The following FRMD5 variants were observed in gnomAD, a reference collection of about 807,000 sequenced individuals.
FRMD5 encodes FERM domain-containing protein 5.
Under a neutral mutation model 69.0 loss-of-function variants are expected in FRMD5, and 20 were observed. The ratio of observed to expected loss-of-function variants is 0.29; its 90% CI spans 0.20 to 0.42. The LOEUF is 0.42. Among genes scored for constraint, FRMD5 ranks in the 10% least tolerant of loss-of-function variants. FRMD5 has a pLI of 1.00. For missense variants in FRMD5, 595 were observed against 708.6 expected, an observed-to-expected ratio of 0.84 and a Z score of 1.82; for synonymous variants, 271 against 260.1, an observed-to-expected ratio of 1.04 and a Z score of -0.40.
intron 1 of FRMD5, among the ~76,000 whole-genome samples, chr15:44,134,311 G>A (rs2077150326): frequency 1.3e-5 from 2 of 152,086 alleles, no homozygotes; most frequent in Non-Finnish European, 2.9e-5. Context: ...GGAAGGTGAA[G>A]GCCCAAAATG....
rs543006063 is a variant in FRMD5 at position 43,910,255 on chromosome 15, C to G, written c.330-276G>C. ...CTGTTTCCTGGTAAAAGCATCACCC[C>G]ACAGTGCTGAGCTTTGGAAGGAGCC... On this transcript the variant is annotated intron_variant, in intron 4 of 13. Coordinates refer to ENST00000417257, the MANE Select transcript of FRMD5 (RefSeq NM_032892.5). Among the ~76,000 whole-genome samples, 3 of 152,228 alleles carry G rather than the reference C, an allele frequency of 2.0e-5. No individual in the cohort carries two copies. In the East Asian group the frequency reaches 5.8e-4, roughly 29 times the overall value.
intron 1 of FRMD5, among the ~76,000 whole-genome samples, chr15:44,028,711 G>C (rs1294713232): frequency 2.0e-5 from 3 of 152,168 alleles, no homozygotes; most frequent in African/African-American, 7.2e-5. Flanking sequence ...ACTGGGTTCT[G>C]AGCAAGCAGC....
At chr15:44,145,443 G>A (rs1028742091) in intron 1 of FRMD5, among the ~76,000 whole-genome samples, 1 of 152,168 alleles carries the variant, frequency 6.6e-6, no homozygotes, top group African/African-American at 2.4e-5. Context: ...CAGTGAAACT[G>A]ACAGGGATTA....
chr15:44,194,285 A>T (rs2140626997), intron 1 of FRMD5: 1 of 152,384 alleles, frequency 6.6e-6, no homozygotes, highest in Non-Finnish European at 1.5e-5. Context: ...CAAGCCCCAA[A>T]TCGCTGGGAC....
chr15:43,997,959 A>G (rs907166409), intron 1 of FRMD5, among the ~76,000 whole-genome samples: 3 of 152,270 alleles, frequency 2.0e-5, no homozygotes, highest in South Asian at 4.2e-4. Flanking sequence ...AAAAAAAGTT[A>G]TTATATATAT....
intron 1 of FRMD5, among the ~76,000 whole-genome samples, chr15:44,033,716 T>G (rs866080205): frequency 6.6e-6 from 1 of 152,188 alleles, no homozygotes; most frequent in East Asian, 1.9e-4. Context: ...ATTAAAATCA[T>G]GGGCATAAAC....
chr15:44,015,138 C>CTT (rs768779001), intron 1 of FRMD5, among the ~76,000 whole-genome samples: 1 of 144,082 alleles, frequency 6.9e-6, no homozygotes, highest in African/African-American at 2.5e-5. Flanking sequence ...CTTACTGAAA[C>CTT]TTTTTTTTTT....
At chr15:44,057,538 G>C (rs907904571) in intron 1 of FRMD5, among the ~76,000 whole-genome samples, 4 of 152,086 alleles carry the variant, frequency 2.6e-5, no homozygotes, top group African/African-American at 9.7e-5. Context: ...GCCTTGCTTT[G>C]CTTCTCAAAG....
intron 1 of FRMD5, among the ~76,000 whole-genome samples, chr15:43,979,404 C>G (rs539022436): frequency 6.6e-6 from 1 of 152,096 alleles, no homozygotes; most frequent in East Asian, 1.9e-4. Flanking sequence ...CCTCCACACT[C>G]TTATAGGCAG....
chr15:44,067,288 G>T (rs1404280220), intron 1 of FRMD5, among the ~76,000 whole-genome samples: 1 of 152,032 alleles, frequency 6.6e-6, no homozygotes, highest in Non-Finnish European at 1.5e-5. Flanking sequence ...CATTGAGAGG[G>T]ATATAATCAT....
intron 1 of FRMD5, among the ~76,000 whole-genome samples, chr15:43,940,768 T>G (rs1294732042): frequency 6.6e-6 from 1 of 152,114 alleles, no homozygotes; most frequent in Non-Finnish European, 1.5e-5. Context: ...AGTGACCAAT[T>G]TGAAGAGGGG....
At chr15:44,194,705 G>C (rs944706066) in intron 1 of FRMD5, 1 of 587,324 alleles carries the variant, frequency 1.7e-6, no homozygotes, top group African/African-American at 2.0e-5. Flanking sequence ...AGGGAGAGCA[G>C]GGTAGGACTT....
At chr15:43,905,268 T>G (rs953970848) in intron 6 of FRMD5, among the ~76,000 whole-genome samples, 4 of 151,538 alleles carry the variant, frequency 2.6e-5, no homozygotes, top group Admixed American at 2.6e-4. Flanking sequence ...TCCGGAGTAG[T>G]TGGGATTACA....
chr15:44,198,873 T>C (rs554869325), upstream of FRMD5, among the ~76,000 whole-genome samples: 2 of 152,176 alleles, frequency 1.3e-5, no homozygotes, highest in Admixed American at 6.6e-5. Flanking sequence ...GGAGGCCACA[T>C]TTAAAAATAA....
intron 1 of FRMD5, among the ~76,000 whole-genome samples, chr15:44,065,262 A>G (rs1893260928): frequency 6.6e-6 from 1 of 152,238 alleles, no homozygotes. Flanking sequence ...CTACTGAATA[A>G]TTATAATGGT....
At chr15:43,916,969 G>A (rs144350448) in intron 4 of FRMD5, among the ~76,000 whole-genome samples, 21 of 151,972 alleles carry the variant, frequency 1.4e-4, no homozygotes, top group African/African-American at 4.3e-4. Flanking sequence ...TAGTAGAGAC[G>A]GGGTTTCACC....
chr15:43,878,101 C>A (rs1480731910), intron 13 of FRMD5, among the ~76,000 whole-genome samples: 1 of 152,164 alleles, frequency 6.6e-6, no homozygotes, highest in Non-Finnish European at 1.5e-5. Context: ...CTCCCAGGCT[C>A]AGGTGATCCT....
intron 1 of FRMD5, among the ~76,000 whole-genome samples, chr15:44,142,658 C>A (rs2077291015): frequency 6.6e-6 from 1 of 152,020 alleles, no homozygotes; most frequent in Non-Finnish European, 1.5e-5. Context: ...AATGGAGCCC[C>A]CTGGGGTGGA....
intron 5 of FRMD5, among the ~76,000 whole-genome samples, chr15:43,909,272 C>T (rs564283079): frequency 1.8e-4 from 28 of 151,632 alleles, no homozygotes; most frequent in Non-Finnish European, 2.8e-4. Flanking sequence ...TGGTGGTGGG[C>T]GCCCGCAGTC....
Sources: allele counts gnomAD v4.1 joint callset (sites outside exome capture counted in the v4.1 genomes callset), GRCh38; gene constraint gnomAD v4.1.1; transcripts MANE v1.5; gene names NCBI Gene and HGNC (gene_info 2026-07-23, HGNC 2026-07-21).